The following CADM1 variants were observed in gnomAD, a reference collection of about 807,000 sequenced individuals.
CADM1 encodes the protein TSLC-1.
A neutral mutation model predicts 53.1 loss-of-function variants in CADM1; 15 were observed. The observed-to-expected ratio is 0.28, with a 90% CI of 0.19 to 0.44. The LOEUF is 0.44. Among genes scored for constraint, CADM1 ranks in the 20% least tolerant of loss-of-function variants. The pLI is 1.00. For missense variants in CADM1, 434 were observed against 611.3 expected (o/e 0.71, Z 3.06); for synonymous variants, 281 against 243.0 (o/e 1.16, Z -1.45).
Position 115,299,171 on chromosome 11 carries a change from T to C in CADM1, c.125-58751A>G, listed in dbSNP as rs12283228. On this transcript the variant is annotated intron_variant, in intron 1 of 11. Coordinates refer to ENST00000331581, the MANE Select transcript of CADM1 (RefSeq NM_001301043.2). Reference sequence around the variant, plus strand: ...CCTGACTGCCCGTGAAGTTCACTGCTATTGCAGTGCTAAATGGGCATAGAC... The same window carrying C: ...CCTGACTGCCCGTGAAGTTCACTGCCATTGCAGTGCTAAATGGGCATAGAC... Among the ~76,000 whole-genome samples, 1,194 of 152,312 alleles carry C rather than the reference T, an allele frequency of 7.8e-3. 16 individuals carry two copies. The highest frequency in any genetic ancestry group is 0.028 in the African/African-American group (1,146 of 41,562).
intron 1 of CADM1, among the ~76,000 whole-genome samples, chr11:115,494,676 G>A (rs1385507285): frequency 6.6e-6 from 1 of 151,976 alleles, no homozygotes; most frequent in East Asian, 1.9e-4. Flanking sequence ...TCCCTAATGT[G>A]GAAGACTTAC....
intron 1 of CADM1, among the ~76,000 whole-genome samples, chr11:115,317,810 C>G (rs144701219): frequency 6.6e-6 from 1 of 152,266 alleles, no homozygotes; most frequent in Admixed American, 6.5e-5. Flanking sequence ...TATTTCATAG[C>G]AGCAATTATT....
intron 1 of CADM1, among the ~76,000 whole-genome samples, chr11:115,366,515 A>G (rs1281446741): frequency 6.6e-6 from 1 of 152,188 alleles, no homozygotes. Flanking sequence ...GTCTCTTTGT[A>G]TATGCAGAGA....
At chr11:115,281,631 T>C (rs1310678832) in intron 1 of CADM1, among the ~76,000 whole-genome samples, 1 of 152,198 alleles carries the variant, frequency 6.6e-6, no homozygotes, top group Non-Finnish European at 1.5e-5. Flanking sequence ...AATCATTTAG[T>C]TCTATGAGAG....
chr11:115,293,376 T>C (rs538094685), intron 1 of CADM1, among the ~76,000 whole-genome samples: 2 of 151,942 alleles, frequency 1.3e-5, no homozygotes, highest in Admixed American at 6.6e-5. Flanking sequence ...GAGCTTGCAG[T>C]GAGCGGAGAT....
chr11:115,389,850 GAAGT>G (rs1380364809), intron 1 of CADM1, among the ~76,000 whole-genome samples: 1 of 151,936 alleles, frequency 6.6e-6, no homozygotes, highest in Admixed American at 6.6e-5. Context: ...TTAAATTATA[GAAGT>G]TAGTAGGAAT....
intron 1 of CADM1, among the ~76,000 whole-genome samples, chr11:115,454,667 C>T (rs1034918735): frequency 6.6e-6 from 1 of 152,160 alleles, no homozygotes; most frequent in Non-Finnish European, 1.5e-5. Flanking sequence ...AACATACATA[C>T]CTGCTGTCTC....
At chr11:115,233,945 T>C (rs1941919843) in intron 3 of CADM1, among the ~76,000 whole-genome samples, 1 of 152,212 alleles carries the variant, frequency 6.6e-6, no homozygotes, top group Admixed American at 6.5e-5. Context: ...GATCCCACTT[T>C]ATCTGTATAA....
chr11:115,386,503 A>T (rs1235632445), intron 1 of CADM1, among the ~76,000 whole-genome samples: 2 of 152,228 alleles, frequency 1.3e-5, no homozygotes, highest in African/African-American at 4.8e-5. Flanking sequence ...AAGGAGCCAC[A>T]TCTGGTGAGA....
intron 1 of CADM1, among the ~76,000 whole-genome samples, chr11:115,278,004 ATCCTGTAATT>A (rs1278750143): frequency 6.6e-6 from 1 of 151,978 alleles, no homozygotes; most frequent in Non-Finnish European, 1.5e-5. Flanking sequence ...CTCTCTACCT[ATCCTGTAATT>A]CCCACCCCTC....
At chr11:115,231,784 T>C (rs1350940136) in intron 3 of CADM1, among the ~76,000 whole-genome samples, 1 of 152,100 alleles carries the variant, frequency 6.6e-6, no homozygotes, top group Non-Finnish European at 1.5e-5. Flanking sequence ...GTCAGGAGTT[T>C]GATATCAGCC....
intron 1 of CADM1, among the ~76,000 whole-genome samples, chr11:115,303,280 T>C (rs990500274): frequency 2.0e-5 from 3 of 152,148 alleles, no homozygotes; most frequent in Middle Eastern, 3.4e-3. Context: ...CCAGTATGCA[T>C]GTAATCACTG....
intron 1 of CADM1, among the ~76,000 whole-genome samples, chr11:115,302,246 C>T (rs900028735): frequency 1.3e-5 from 2 of 151,878 alleles, no homozygotes; most frequent in African/African-American, 4.8e-5. Flanking sequence ...TACAACAAAC[C>T]CCCTTTACAC....
intron 1 of CADM1, among the ~76,000 whole-genome samples, chr11:115,254,944 G>A (rs1942734735): frequency 6.6e-6 from 1 of 152,160 alleles, no homozygotes; most frequent in Non-Finnish European, 1.5e-5. Flanking sequence ...TACCTTCTAT[G>A]TAGAGAGGGA....
At chr11:115,305,281 A>G (rs1183349721) in intron 1 of CADM1, among the ~76,000 whole-genome samples, 1 of 151,992 alleles carries the variant, frequency 6.6e-6, no homozygotes, top group Non-Finnish European at 1.5e-5. Flanking sequence ...ACTCCTGCCT[A>G]CGGGCGCCTT....
chr11:115,364,122 T>G lies in CADM1; in HGVS notation c.125-123702A>C, dbSNP rs79349033. 2.2e-3 allele frequency among the ~76,000 whole-genome samples: 328 copies of G among 152,272 alleles called. 4 individuals are homozygous for G. Among genetic ancestry groups the G allele is most frequent in the African/African-American group, 7.4e-3 (307 of 41,568 alleles). ...ACGCATTTCTCAGAACATACCTCCA[T>G]CGTGAAGCAACACATGACTGTATAT... On this transcript the variant is annotated intron_variant, in intron 1 of 11. Coordinates refer to ENST00000331581, the MANE Select transcript of CADM1 (RefSeq NM_001301043.2).
Position 115,242,561 on chromosome 11 carries a change from C to T in CADM1, c.125-2141G>A, listed in dbSNP as rs549288770. The stretch of plus-strand genomic sequence containing the variant: ...ACCACTCTCACAGCCTCAGGTAATG[C>T]GCGATCTACTAAGAAAATTAAGAAA... On this transcript the variant is annotated intron_variant, in intron 1 of 11. Coordinates refer to ENST00000331581, the MANE Select transcript of CADM1 (RefSeq NM_001301043.2). 1.4e-3 allele frequency among the ~76,000 whole-genome samples: 212 copies of T among 152,132 alleles called. 2 individuals are homozygous for T. Among genetic ancestry groups the T allele is most frequent in the African/African-American group, 4.9e-3 (204 of 41,488 alleles).
intron 1 of CADM1, among the ~76,000 whole-genome samples, chr11:115,252,027 C>T (rs1942621613): frequency 6.6e-6 from 1 of 152,150 alleles, no homozygotes; most frequent in Non-Finnish European, 1.5e-5. Context: ...GCTGATTAAT[C>T]ATCACTGAAA....
intron 1 of CADM1, among the ~76,000 whole-genome samples, chr11:115,362,380 C>G (rs1457242385): frequency 1.3e-5 from 2 of 152,114 alleles, no homozygotes; most frequent in Non-Finnish European, 2.9e-5. Flanking sequence ...AGAAAACTGA[C>G]AGTTTGTATT....
Sources: gnomAD v4.1 joint callset for allele counts (sites outside exome capture counted in the v4.1 genomes callset) on GRCh38, gnomAD v4.1.1 for gene constraint, MANE v1.5 for transcripts, NCBI Gene and HGNC (gene_info 2026-07-23, HGNC 2026-07-21) for gene names.